ZYG11A: variants seen among roughly 807,000 people sequenced by gnomAD.
The protein encoded by ZYG11A is zyg-11 family member A, cell cycle regulator.
ZYG11A carries 62 observed loss-of-function variants against 77.2 expected under a neutral mutation model. The ratio of observed to expected loss-of-function variants is 0.80; its 90% CI spans 0.65 to 0.99. The LOEUF (loss-of-function observed/expected upper bound fraction) is 0.99, where lower values mean the gene tolerates loss of function less well. Ranked by LOEUF, ZYG11A falls within the 50% of genes least tolerant of loss-of-function variation. The pLI, the probability that ZYG11A is intolerant of heterozygous loss-of-function variation, is 0.00. For synonymous variants in ZYG11A, 315 were observed against 324.6 expected (o/e 0.97, Z 0.32); for missense variants, 828 against 896.8 (o/e 0.92, Z 0.98).
Position 52,893,055 on chromosome 1 carries a change from CTG to C in ZYG11A, c.*100_*101del. On this transcript the variant is annotated 3_prime_UTR_variant, in exon 14 of 14. Coordinates refer to ENST00000371528, the MANE Select transcript of ZYG11A (RefSeq NM_001004339.3). The stretch of plus-strand genomic sequence containing the variant: ...GTTGTCATTGGAGTTTGTGAGTTGG[CTG>C]TCTCATTGGCCTTTGATTGTTGATT... The C allele has an allele frequency of 9.2e-7, 1 of 1,092,400 alleles. No individual in the cohort carries two copies. Among genetic ancestry groups the C allele is most frequent in the Non-Finnish European group, 1.3e-6 (1 of 773,846 alleles). The allele number at this position is 1,092,400 out of a possible 1,614,324, so 67.7% of individuals were successfully genotyped here. A position where few individuals can be genotyped will look rare whatever the true frequency, so the allele number is the denominator to read the frequency against.
intron 5 of ZYG11A, 44 bp from the exon 6 acceptor site, chr1:52,866,459 A>G (rs1287958616): frequency 9.2e-7 from 1 of 1,086,094 alleles, no homozygotes; most frequent in Non-Finnish European, 1.4e-6. Context: ...TTTAGAATGG[A>G]ATGTTACATT....
chr1:52,866,644 A>G, intron 6 of ZYG11A, 77 bp downstream of exon 6: 2 of 866,820 alleles, frequency 2.3e-6, no homozygotes, highest in Admixed American at 2.3e-5. Flanking sequence ...TAAGGCTGGG[A>G]TAAGGTGTTT....
chr1:52,870,677 A>G (rs1270277560), intron 8 of ZYG11A, among the ~76,000 whole-genome samples: 2 of 152,356 alleles, frequency 1.3e-5, no homozygotes, highest in Non-Finnish European at 2.9e-5. Context: ...CGGCCAACAC[A>G]GTGAAACCCC....
chr1:52,877,719 A>G lies in ZYG11A; in HGVS notation c.1580A>G (p.Asn527Ser). 6.4e-7 allele frequency: 1 copy of G among 1,551,976 alleles called. No individual in the cohort carries two copies. Among genetic ancestry groups the G allele is most frequent in the South Asian group, 1.2e-5 (1 of 83,960 alleles). Reference protein sequence around the residue: ...LAIVKQKTTENLDDVTFLFTL... With the variant: ...LAIVKQKTTESLDDVTFLFTL... ...ATAGTAAAACAAAAGACTACTGAGA[A>G]TTTAGATGATGTCACCTTCTTGTTT... Residue 527 changes from asparagine (N) to serine (S), a missense_variant, in exon 9 of 14, where the codon AAT becomes AGT. By Grantham distance (46) the Asn-to-Ser change is conservative (BLOSUM62 1). Transcript: ENST00000371528.
intron 1 of ZYG11A, among the ~76,000 whole-genome samples, chr1:52,846,846 A>G (rs1311462854): frequency 2.0e-5 from 3 of 148,480 alleles, no homozygotes; most frequent in Admixed American, 1.4e-4. Context: ...TTAAAATTAC[A>G]TTTTTGTCTG....
chr1:52,875,981 AGTT>A (rs1646254901), intron 8 of ZYG11A, among the ~76,000 whole-genome samples: 2 of 150,954 alleles, frequency 1.3e-5, no homozygotes. Flanking sequence ...AGTAGAATAA[AGTT>A]GTTTGCTTTA....
intron 11 of ZYG11A, among the ~76,000 whole-genome samples, chr1:52,885,099 C>T (rs1319538246): frequency 6.6e-5 from 10 of 151,852 alleles, no homozygotes; most frequent in Non-Finnish European, 1.0e-4. Context: ...TTAGTAGAGA[C>T]GGGTTTCACC....
intron 4 of ZYG11A, among the ~76,000 whole-genome samples, chr1:52,862,594 G>A (rs1401634602): frequency 2.0e-5 from 3 of 152,118 alleles, no homozygotes; most frequent in African/African-American, 7.2e-5. Context: ...TTACAGGCGT[G>A]AGCCACTGCG....
chr1:52,891,604 C>CTA (rs1401628306), intron 13 of ZYG11A, among the ~76,000 whole-genome samples: 1 of 151,852 alleles, frequency 6.6e-6, no homozygotes, highest in Admixed American at 6.6e-5. Flanking sequence ...TTCTCCTCTC[C>CTA]TACTCCCGTA....
intron 13 of ZYG11A, among the ~76,000 whole-genome samples, chr1:52,888,545 A>G (rs1309105938): frequency 1.3e-5 from 2 of 152,138 alleles, no homozygotes; most frequent in African/African-American, 4.8e-5. Flanking sequence ...TTTGTTAGAG[A>G]CAGAGTTTCA....
Position 52,863,996 on chromosome 1 carries a change from A to G in ZYG11A, c.1165A>G (p.Met389Val). 1.3e-6 allele frequency: 2 copies of G among 1,551,076 alleles called. No homozygotes were observed. Among genetic ancestry groups the G allele is most frequent in the Non-Finnish European group, 1.7e-6 (2 of 1,146,770 alleles). ...PAILKLVAIG[M>V]RNHPLDLRVQ... is the part of the protein sequence containing the mutation. ...TCATCTTCAGCTTGTGGCTATAGGA[A>G]TGAGGAATCACCCATTGGATTTGCG... Residue 389 changes from methionine to valine, a missense_variant, in exon 5 of 14, where the codon ATG becomes GTG. Met to Val is a conservative substitution (Grantham distance 21). Transcript: ENST00000371528.
intron 2 of ZYG11A, among the ~76,000 whole-genome samples, chr1:52,855,276 A>C (rs1316706355): frequency 1.3e-5 from 2 of 152,160 alleles, no homozygotes; most frequent in African/African-American, 4.8e-5. Flanking sequence ...CACTAAAAAA[A>C]TAAAGGAAAA....
At chr1:52,849,467 G>A (rs1258749553) in intron 1 of ZYG11A, among the ~76,000 whole-genome samples, 3 of 145,940 alleles carry the variant, frequency 2.1e-5, no homozygotes, top group South Asian at 2.3e-4. Flanking sequence ...CGGGCTCAAG[G>A]GACTCTCATG....
At chr1:52,859,367 G>T (rs1375968724) in intron 3 of ZYG11A, among the ~76,000 whole-genome samples, 1 of 151,762 alleles carries the variant, frequency 6.6e-6, no homozygotes, top group Non-Finnish European at 1.5e-5. Flanking sequence ...ACGGAGTCTT[G>T]CTCTGTCGCC....
intron 4 of ZYG11A, among the ~76,000 whole-genome samples, chr1:52,861,424 C>T (rs1357328349): frequency 1.3e-5 from 2 of 152,034 alleles, no homozygotes; most frequent in Admixed American, 1.3e-4. Context: ...TAATTTTTTG[C>T]AATTCCTTAA....
intron 8 of ZYG11A, among the ~76,000 whole-genome samples, chr1:52,871,293 C>A (rs761850424): frequency 8.6e-5 from 13 of 152,046 alleles, no homozygotes; most frequent in Non-Finnish European, 1.8e-4. Context: ...AGCCTCCTCA[C>A]GTTTTTAATC....
chr1:52,845,014 A>G (rs1645536095), intron 1 of ZYG11A, among the ~76,000 whole-genome samples: 1 of 152,044 alleles, frequency 6.6e-6, no homozygotes, highest in African/African-American at 2.4e-5. Context: ...CGGCTCAAGC[A>G]ATCCTCTTGC....
chr1:52,891,059 C>T (rs966135930), intron 13 of ZYG11A, among the ~76,000 whole-genome samples: 8 of 150,586 alleles, frequency 5.3e-5, no homozygotes, highest in Non-Finnish European at 1.2e-4. Flanking sequence ...CCACTATGCC[C>T]GTCTAAGTTT....
At chr1:52,854,329 T>C in intron 1 of ZYG11A, 136 bp from the exon 2 acceptor site, 2 of 792,054 alleles carry the variant, frequency 2.5e-6, no homozygotes, top group Non-Finnish European at 3.6e-6. Context: ...TTTCGTTACA[T>C]ATAAATCATT....
Sources: allele counts gnomAD v4.1 joint callset (sites outside exome capture counted in the v4.1 genomes callset), GRCh38; gene constraint gnomAD v4.1.1; transcripts MANE v1.5; gene names NCBI Gene and HGNC (gene_info 2026-07-23, HGNC 2026-07-21).